DLGAP2: variants seen among roughly 807,000 people sequenced by gnomAD.
DLGAP2 encodes DLG associated protein 2.
In DLGAP2, 26 loss-of-function variants were observed where a neutral mutation model predicts 100.3. The ratio of observed to expected loss-of-function variants is 0.26; its 90% confidence interval spans 0.19 to 0.36. The LOEUF (loss-of-function observed/expected upper bound fraction) is 0.36, where lower values mean the gene tolerates loss of function less well. Ranked by LOEUF, DLGAP2 falls within the 10% of genes least tolerant of loss-of-function variation. DLGAP2 has a pLI of 1.00. For missense variants in DLGAP2, 1,858 were observed against 1,453.2 expected, an observed-to-expected ratio of 1.28 and a Z score of -4.53; for synonymous variants, 886 against 630.1, an observed-to-expected ratio of 1.41 and a Z score of -6.08.
At chr8:1,583,403 C>T (rs1796010670) in intron 6 of DLGAP2, among the ~76,000 whole-genome samples, 1 of 149,512 alleles carries the variant, frequency 6.7e-6, no homozygotes, top group African/African-American at 2.5e-5. Context: ...CGTAACACCA[C>T]CATGCTGGGC....
intron 2 of DLGAP2, among the ~76,000 whole-genome samples, chr8:1,133,131 G>A (rs893724657): frequency 7.9e-5 from 12 of 152,126 alleles, no homozygotes; most frequent in African/African-American, 2.7e-4. Context: ...AACATCTCTG[G>A]AGCATTAGCT....
chr8:1,296,174 T>C (rs1800167945), intron 3 of DLGAP2: 1 of 152,088 alleles, frequency 6.6e-6, no homozygotes, highest in South Asian at 2.1e-4. Context: ...GGTTTCTGAC[T>C]CCCTTTCGTG....
At chr8:1,214,103 G>C (rs1392915720) in intron 2 of DLGAP2, among the ~76,000 whole-genome samples, 1 of 152,104 alleles carries the variant, frequency 6.6e-6, no homozygotes, top group Non-Finnish European at 1.5e-5. Flanking sequence ...CCCTCCCCAG[G>C]GGGCCTTGCG....
intron 3 of DLGAP2, among the ~76,000 whole-genome samples, chr8:1,351,253 T>C (rs368669321): frequency 4.3e-3 from 297 of 68,458 alleles, no homozygotes; most frequent in East Asian, 0.011. Flanking sequence ...CCTGACTGTG[T>C]GTGGAACGGC....
intron 1 of DLGAP2, among the ~76,000 whole-genome samples, chr8:811,691 C>T (rs949595679): frequency 2.0e-5 from 3 of 147,512 alleles, no homozygotes; most frequent in Non-Finnish European, 1.5e-5. Context: ...GGTGAGAGGC[C>T]ACCAGCTTTC....
chr8:1,025,456 T>TA (rs1458434789), intron 2 of DLGAP2, among the ~76,000 whole-genome samples: 1 of 152,204 alleles, frequency 6.6e-6, no homozygotes, highest in African/African-American at 2.4e-5. Context: ...TTGGAAAAGA[T>TA]ATGACTACAA....
At chr8:1,218,381 C>T (rs764354319) in intron 2 of DLGAP2, among the ~76,000 whole-genome samples, 23 of 152,134 alleles carry the variant, frequency 1.5e-4, no homozygotes, top group Non-Finnish European at 2.6e-4. Context: ...TCAACTTTGT[C>T]AAAGATCAGT....
At chr8:1,423,822 G>C (rs911597870) in intron 3 of DLGAP2, among the ~76,000 whole-genome samples, 1 of 152,164 alleles carries the variant, frequency 6.6e-6, no homozygotes, top group Non-Finnish European at 1.5e-5. Flanking sequence ...GGAGAAATTC[G>C]AGCAGGTTAA....
intron 2 of DLGAP2, among the ~76,000 whole-genome samples, chr8:1,020,549 G>A (rs555396331): frequency 1.3e-5 from 2 of 152,336 alleles, no homozygotes; most frequent in African/African-American, 4.8e-5. Flanking sequence ...AATGTGTTGA[G>A]CACATCAGGG....
chr8:1,251,058 A>T (rs757720174), intron 2 of DLGAP2, among the ~76,000 whole-genome samples: 1 of 152,206 alleles, frequency 6.6e-6, no homozygotes, highest in Non-Finnish European at 1.5e-5. Flanking sequence ...CAGTTTAAAC[A>T]TTGGTTTTCA....
intron 8 of DLGAP2, among the ~76,000 whole-genome samples, chr8:1,654,143 C>T (rs1293082094): frequency 1.3e-5 from 2 of 152,158 alleles, no homozygotes; most frequent in East Asian, 1.9e-4. Context: ...GATACAACTT[C>T]AGTATAGATG....
At chr8:836,200 A>T (rs1030516743) in intron 1 of DLGAP2, among the ~76,000 whole-genome samples, 1 of 151,994 alleles carries the variant, frequency 6.6e-6, no homozygotes, top group African/African-American at 2.4e-5. Flanking sequence ...CGGGCCGGGG[A>T]CTCGGCCGGA....
intron 3 of DLGAP2, among the ~76,000 whole-genome samples, chr8:1,373,170 T>C (rs895049198): frequency 1.5e-4 from 23 of 152,302 alleles, no homozygotes; most frequent in African/African-American, 5.5e-4. Context: ...CTTTGGCCGT[T>C]GGAGCGTTTG....
intron 2 of DLGAP2, among the ~76,000 whole-genome samples, chr8:1,095,919 C>T (rs991729568): frequency 4.6e-5 from 7 of 152,154 alleles, no homozygotes; most frequent in Admixed American, 2.6e-4. Context: ...AGAGAACAGG[C>T]TCTGGGTGAA....
intron 3 of DLGAP2, chr8:1,300,308 G>C (rs1563069755): frequency 6.6e-6 from 1 of 152,056 alleles, no homozygotes. Context: ...GTGGGTACTT[G>C]GACCCTCCAG....
At position 1,267,614 on chromosome 8, in the gene DLGAP2, AAGATAAGAT is replaced by A. The variant is rs1799489946; in HGVS notation, c.106+8733_106+8741del. On this transcript the variant is annotated intron_variant, in intron 3 of 14. Transcript: ENST00000637795. Reference sequence around the variant, plus strand: ...AAGATAAGATAAGATAAGATAAGATAAGATAAGATAAATATTAAATAGGTCTACAAAAAG... The same window carrying A: ...AAGATAAGATAAGATAAGATAAGATAAAATATTAAATAGGTCTACAAAAAG... Among the ~76,000 whole-genome samples, 9 of 124,472 alleles carry A rather than the reference AAGATAAGAT, an allele frequency of 7.2e-5. 1 individual carries two copies. Among genetic ancestry groups the A allele is most frequent in the African/African-American group, 1.3e-4 (4 of 29,896 alleles). 81.7% of individuals were successfully genotyped at this position (124,472 alleles called of 152,430 possible). A position where few individuals can be genotyped will look rare whatever the true frequency, so the allele number is the denominator to read the frequency against.
At chr8:1,004,530 C>T (rs1366075650) in intron 2 of DLGAP2, among the ~76,000 whole-genome samples, 1 of 152,210 alleles carries the variant, frequency 6.6e-6, no homozygotes, top group Non-Finnish European at 1.5e-5. Flanking sequence ...AAGTTGTCAT[C>T]TGGAATCTCC....
chr8:1,116,271 T>C (rs1805114767), intron 2 of DLGAP2, among the ~76,000 whole-genome samples: 1 of 152,164 alleles, frequency 6.6e-6, no homozygotes, highest in African/African-American at 2.4e-5. Flanking sequence ...TATTGTCAAG[T>C]GACTAAGGGT....
intron 3 of DLGAP2, among the ~76,000 whole-genome samples, chr8:1,314,446 C>T (rs1323260621): frequency 6.6e-6 from 1 of 152,232 alleles, no homozygotes; most frequent in Non-Finnish European, 1.5e-5. Context: ...ATTAATTACA[C>T]TCTAGAGCTG....
Sources: gnomAD v4.1 joint callset for allele counts (sites outside exome capture counted in the v4.1 genomes callset) on GRCh38, gnomAD v4.1.1 for gene constraint, MANE v1.5 for transcripts, NCBI Gene and HGNC (gene_info 2026-07-23, HGNC 2026-07-21) for gene names.